Variants in SF3B1 observed in about 807,000 individuals in gnomAD.
SF3B1 encodes the protein splicing factor 3b subunit 1.
A neutral mutation model predicts 153.8 loss-of-function variants in SF3B1; 12 were observed. The ratio of observed to expected loss-of-function variants is 0.08; its 90% CI spans 0.05 to 0.13. SF3B1 has a LOEUF of 0.13. Ranked by LOEUF, SF3B1 falls within the 10% of genes least tolerant of loss-of-function variation. The pLI, the probability that SF3B1 is intolerant of heterozygous loss-of-function variation, is 1.00. For synonymous variants in SF3B1, 498 were observed against 525.2 expected, an observed-to-expected ratio of 0.95 and a Z score of 0.71; for missense variants, 513 against 1,606.1, an observed-to-expected ratio of 0.32 and a Z score of 11.63.
chr2:197,434,948 C>CA (rs761168713), intron 1 of SF3B1, 24 bp downstream of exon 1: 4 of 1,609,626 alleles, frequency 2.5e-6, no homozygotes, highest in Non-Finnish European at 3.4e-6. Context: ...GAAGAAAACA[C>CA]GTAAGCAGGG....
intron 11 of SF3B1, 178 bp downstream of exon 11, chr2:197,404,898 G>C: frequency 2.0e-6 from 1 of 508,066 alleles, no homozygotes; most frequent in Non-Finnish European, 3.5e-6. Flanking sequence ...TATAAACATG[G>C]CCAGGTGCAG....
intron 2 of SF3B1, among the ~76,000 whole-genome samples, chr2:197,422,975 A>G (rs906700470): frequency 6.6e-6 from 1 of 152,236 alleles, no homozygotes; most frequent in African/African-American, 2.4e-5. Context: ...GGTCTGATAA[A>G]ATATAAGCTA....
chr2:197,405,161 G>T lies in SF3B1; in HGVS notation c.1454C>A (p.Ser485Ter). ...TTTTTGCTCTTCTGGACTAAGTGTT[G>T]ATTCATCAACATCAACCTATAGTAA... ...FDKLLVDVDE[S>*]TLSPEEQKER... Residue 485 changes from serine to a stop codon, truncating the protein, a stop_gained, in exon 11 of 25, where the codon TCA (serine) becomes TAA (stop). Coordinates refer to ENST00000335508, the MANE Select transcript of SF3B1 (RefSeq NM_012433.4). LOFTEE classifies it high-confidence loss of function. The T allele has an allele frequency of 6.2e-7, 1 of 1,610,594 alleles. No homozygotes were observed. Among genetic ancestry groups the T allele is most frequent in the South Asian group, 1.1e-5 (1 of 90,424 alleles).
intron 6 of SF3B1, among the ~76,000 whole-genome samples, 195 bp from the exon 7 acceptor site, chr2:197,410,202 A>G (rs2085047631): frequency 6.6e-6 from 1 of 152,212 alleles, no homozygotes; most frequent in African/African-American, 2.4e-5. Context: ...AAAACAATGT[A>G]AAGTTTCAAT....
chr2:197,410,109 G>T (rs2085046028), intron 6 of SF3B1, 102 bp from the exon 7 acceptor site: 2 of 712,986 alleles, frequency 2.8e-6, no homozygotes, highest in South Asian at 3.9e-5. Flanking sequence ...TTAGTTCTAT[G>T]CACTATAATT....
intron 2 of SF3B1, 89 bp downstream of exon 2, chr2:197,423,719 G>T: frequency 7.6e-7 from 1 of 1,323,748 alleles, no homozygotes; most frequent in African/African-American, 1.5e-5. Flanking sequence ...TGTTTCTCCA[G>T]ATTAAACCAG....
At chr2:197,426,281 C>T (rs955753363) in intron 1 of SF3B1, among the ~76,000 whole-genome samples, 11 of 151,884 alleles carry the variant, frequency 7.2e-5, no homozygotes, top group Non-Finnish European at 1.5e-4. Context: ...ACTCCCACCC[C>T]CTTCGGGCAT....
At chr2:197,427,330 CTATAGA>C (rs533820875) in intron 1 of SF3B1, among the ~76,000 whole-genome samples, 59 of 152,300 alleles carry the variant, frequency 3.9e-4, no homozygotes, top group African/African-American at 5.1e-4. Flanking sequence ...CTGCTGGAAA[CTATAGA>C]TATAAAGTCC....
chr2:197,408,786 G>A (rs899751530), intron 7 of SF3B1: 9 of 540,124 alleles, frequency 1.7e-5, no homozygotes, highest in African/African-American at 1.5e-4. Flanking sequence ...AGCCAGGTGT[G>A]GTGGTGGGCG....
chr2:197,427,197 C>T (rs917259315), intron 1 of SF3B1, among the ~76,000 whole-genome samples: 2 of 152,156 alleles, frequency 1.3e-5, no homozygotes, highest in African/African-American at 4.8e-5. Flanking sequence ...AATTACCCAG[C>T]CCAAAATCTC....
chr2:197,415,699 T>C (rs756925867), intron 6 of SF3B1, among the ~76,000 whole-genome samples: 10 of 152,264 alleles, frequency 6.6e-5, no homozygotes, highest in Admixed American at 2.6e-4. Flanking sequence ...GCAGCACTTA[T>C]ATCTTTTAGT....
chr2:197,409,924 G>C lies in SF3B1; in HGVS notation c.750C>G (p.Gly250=), dbSNP rs1216916224. Residue 250 remains glycine (G), a synonymous_variant, in exon 7 of 25, where the codon GGC becomes GGG. Coordinates refer to ENST00000335508, the MANE Select transcript of SF3B1 (RefSeq NM_012433.4). ...KGSETPGATP[G]SKIWDPTPSH... is the part of the protein sequence containing the mutation. ...TAGGTGTAGGATCCCATATTTTTGAGCCTGGGGTTGCTCCAGGAGTCTCGC... is the reference window on the plus strand; with the variant it reads ...TAGGTGTAGGATCCCATATTTTTGACCCTGGGGTTGCTCCAGGAGTCTCGC... 6.2e-7 allele frequency: 1 copy of C among 1,614,128 alleles called. No homozygotes were observed. Among genetic ancestry groups the C allele is most frequent in the Non-Finnish European group, 8.5e-7 (1 of 1,180,026 alleles).
At chr2:197,398,959 GC>G (rs1365989313) in intron 20 of SF3B1, 1 of 936,980 alleles carries the variant, frequency 1.1e-6, no homozygotes, top group African/African-American at 1.7e-5. Context: ...TCCAGAAAGG[GC>G]CCCCTTACCC....
chr2:197,428,059 G>T (rs552825956), intron 1 of SF3B1, among the ~76,000 whole-genome samples: 1 of 151,680 alleles, frequency 6.6e-6, no homozygotes, highest in Admixed American at 6.6e-5. Flanking sequence ...AAGGTAATGA[G>T]GCTGGGCACT....
At position 197,421,145 on chromosome 2, in the gene SF3B1, A is replaced by C. The variant is rs760999962; in HGVS notation, c.196-12T>G. On this transcript the variant is annotated splice_polypyrimidine_tract_variant and intron_variant, in intron 2 of 24. Transcript: ENST00000335508. ...TAGTCATCGTCATCCTGCAATGAAA[A>C]CCCCCCAAAAAGCCATAAACAAAAT... is the stretch of plus-strand genomic sequence containing the variant. The C allele has an allele frequency of 1.3e-6, 2 of 1,558,918 alleles. No homozygotes were observed. The highest frequency in any genetic ancestry group is 8.8e-7 in the Non-Finnish European group (1 of 1,135,146).
At chr2:197,424,399 G>C (rs1482332243) in intron 1 of SF3B1, among the ~76,000 whole-genome samples, 2 of 151,636 alleles carry the variant, frequency 1.3e-5, no homozygotes, top group East Asian at 3.9e-4. Flanking sequence ...TATTTGGGAA[G>C]TTGAGGCAGG....
At chr2:197,418,019 T>C (rs1172467210) in intron 5 of SF3B1, among the ~76,000 whole-genome samples, 2 of 151,588 alleles carry the variant, frequency 1.3e-5, no homozygotes, top group South Asian at 2.1e-4. Context: ...GCAGATCACC[T>C]GAGGTCAGGA....
intron 6 of SF3B1, among the ~76,000 whole-genome samples, chr2:197,415,973 C>T (rs1482806213): frequency 6.7e-6 from 1 of 148,868 alleles, no homozygotes; most frequent in Non-Finnish European, 1.5e-5. Context: ...CACCACTATG[C>T]CCAGCTAATT....
At chr2:197,399,737 T>C (rs1406066222) in intron 20 of SF3B1, among the ~76,000 whole-genome samples, 6 of 152,190 alleles carry the variant, frequency 3.9e-5, no homozygotes, top group Admixed American at 2.6e-4. Flanking sequence ...CAGCAGAACA[T>C]GGCAGAATAT....
Sources: gnomAD v4.1 joint callset for allele counts (sites outside exome capture counted in the v4.1 genomes callset) on GRCh38, gnomAD v4.1.1 for gene constraint, MANE v1.5 for transcripts, NCBI Gene and HGNC (gene_info 2026-07-23, HGNC 2026-07-21) for gene names.